The following SFSWAP variants were observed in gnomAD, a reference collection of about 807,000 sequenced individuals.
SFSWAP encodes the protein splicing factor SWAP, also known as splicing factor, suppressor of white-apricot homolog.
Under a neutral mutation model 100.7 loss-of-function variants are expected in SFSWAP, and 17 were observed. The ratio of observed to expected loss-of-function variants is 0.17; its 90% CI spans 0.12 to 0.25. The LOEUF (loss-of-function observed/expected upper bound fraction) is 0.25, where lower values mean the gene tolerates loss of function less well. SFSWAP is among the 10% of genes least tolerant of loss of function. The pLI, the probability that SFSWAP is intolerant of heterozygous loss-of-function variation, is 1.00. For synonymous variants in SFSWAP, 504 were observed against 510.1 expected, an observed-to-expected ratio of 0.99 and a Z score of 0.16; for missense variants, 1,005 against 1,262.6, an observed-to-expected ratio of 0.80 and a Z score of 3.09.
intron 7 of SFSWAP, among the ~76,000 whole-genome samples, chr12:131,732,261 C>T (rs1299080604): frequency 1.3e-5 from 2 of 152,168 alleles, no homozygotes; most frequent in African/African-American, 2.4e-5. Context: ...CATAGAATAA[C>T]TGTAACGTTT....
chr12:131,752,665 G>T (rs1293509098), intron 7 of SFSWAP, among the ~76,000 whole-genome samples: 2 of 152,240 alleles, frequency 1.3e-5, no homozygotes, highest in African/African-American at 2.4e-5. Context: ...GGAGGGAGCA[G>T]CGTGCCTGGG....
rs1378862854 is a variant in SFSWAP at position 131,787,556 on chromosome 12, CAG to C, written c.2534+972_2534+973del. Among the ~76,000 whole-genome samples, 3 of 152,220 alleles carry C rather than the reference CAG, an allele frequency of 2.0e-5. No homozygotes were observed. The East Asian group carries it at 5.8e-4, about 29-fold the overall frequency. On this transcript the variant is annotated intron_variant, in intron 15 of 17. Coordinates refer to ENST00000261674, the MANE Select transcript of SFSWAP (RefSeq NM_004592.4). ...GACCGTGTCTGCGTCTGGAGCTACA[CAG>C]AGAAGGATGGAGCATTGCACATCGT...
chr12:131,741,839 A>G (rs1880670730), intron 7 of SFSWAP, among the ~76,000 whole-genome samples: 1 of 152,088 alleles, frequency 6.6e-6, no homozygotes, highest in Non-Finnish European at 1.5e-5. Context: ...CTCGGGTCAC[A>G]TGCTCCTGTA....
chr12:131,753,028 AT>A (rs1308980378), intron 7 of SFSWAP, 94 bp from the exon 8 acceptor site: 1 of 1,534,064 alleles, frequency 6.5e-7, no homozygotes, highest in African/African-American at 1.4e-5. Context: ...GCAAGGCTGC[AT>A]CTTGCCGGGG....
At chr12:131,781,386 C>T (rs959817054) in intron 14 of SFSWAP, among the ~76,000 whole-genome samples, 3 of 151,538 alleles carry the variant, frequency 2.0e-5, no homozygotes, top group African/African-American at 7.3e-5. Context: ...TACAGGCGCC[C>T]GCCACCTCGC....
rs1283672064 is a variant in SFSWAP at position 131,754,515 on chromosome 12, TTA to T, written c.1454+20_1454+21del. On this transcript the variant is annotated intron_variant, in intron 9 of 17. Coordinates refer to ENST00000261674, the MANE Select transcript of SFSWAP (RefSeq NM_004592.4). ...ATGATCAAAGGTCAGAAGAAGAATT[TTA>T]TATGTTAGGTATATGGCATTTGGGG... 6.4e-7 allele frequency: 1 copy of T among 1,552,706 alleles called. No individual in the cohort carries two copies. Among genetic ancestry groups the T allele is most frequent in the African/African-American group, 1.4e-5 (1 of 72,508 alleles).
Position 131,711,629 on chromosome 12 carries a change from G to A in SFSWAP, c.218+182G>A, listed in dbSNP as rs1302081915. The A allele has an allele frequency of 1.7e-6, 1 of 598,556 alleles. No individual in the cohort carries two copies. The highest frequency in any genetic ancestry group is 3.0e-6 in the Non-Finnish European group (1 of 338,120). The allele number at this position is 598,556 out of a possible 1,614,324, so 37.1% of individuals were successfully genotyped here. A position where few individuals can be genotyped will look rare whatever the true frequency, so the allele number is the denominator to read the frequency against. ...GGTGGGGAGGGGGACGGTGAAACCT[G>A]CCCTAAGGCACTGGCTGGAATTGCG... On this transcript the variant is annotated intron_variant, in intron 1 of 17. Transcript: ENST00000261674. This position sits in a 1 kb window ranked among gnomAD's most constrained non-coding sequence, Gnocchi z 4.9.
Position 131,711,505 on chromosome 12 carries a change from T to G in SFSWAP, c.218+58T>G. The G allele has an allele frequency of 7.1e-7, 1 of 1,410,634 alleles. No homozygotes were observed. Among genetic ancestry groups the G allele is most frequent in the Non-Finnish European group, 1.0e-6 (1 of 1,004,556 alleles). 87.4% of individuals were successfully genotyped at this position (1,410,634 alleles called of 1,614,324 possible). On this transcript the variant is annotated intron_variant, in intron 1 of 17. Coordinates refer to ENST00000261674, the MANE Select transcript of SFSWAP (RefSeq NM_004592.4). This position sits in a 1 kb window ranked among gnomAD's most constrained non-coding sequence, Gnocchi z 4.9. ...CTTCCCTCACCCGCTTGATCTCGTC[T>G]GATGTTGACTTGACTGCAAGGACTG... is the stretch of plus-strand genomic sequence containing the variant.
rs1410123241 is a variant in SFSWAP, at chr12:131,786,445, G to A, written c.2409-18G>A. 2.5e-6 allele frequency: 4 copies of A among 1,581,528 alleles called. No homozygotes were observed. Among genetic ancestry groups the A allele is most frequent in the East Asian group, 4.6e-5 (2 of 43,644 alleles). On this transcript the variant is annotated intron_variant, in intron 14 of 17. Coordinates refer to ENST00000261674, the MANE Select transcript of SFSWAP (RefSeq NM_004592.4). ...CAGCCAGGCCACAGAGCTGAACACT[G>A]CCTCCTCCCCTGTCCAGGTCCCGCT...
intron 10 of SFSWAP, among the ~76,000 whole-genome samples, chr12:131,756,249 GTA>G (rs1159943973): frequency 6.6e-6 from 1 of 152,106 alleles, no homozygotes; most frequent in African/African-American, 2.4e-5. Flanking sequence ...GCTTCAAAGA[GTA>G]TAGTGTTTTT....
chr12:131,761,255 G>A (rs1272273611), intron 11 of SFSWAP, among the ~76,000 whole-genome samples: 1 of 152,122 alleles, frequency 6.6e-6, no homozygotes, highest in African/African-American at 2.4e-5. Context: ...TATTACTTTT[G>A]AAGTTAGAAG....
Position 131,764,666 on chromosome 12 carries a change from A to G in SFSWAP, c.1931A>G (p.Glu644Gly). 6.2e-7 allele frequency: 1 copy of G among 1,613,220 alleles called. No individual in the cohort carries two copies. The highest frequency in any genetic ancestry group is 8.5e-7 in the Non-Finnish European group (1 of 1,179,232). Residue 644 changes from glutamate (E) to glycine (G), a missense_variant, in exon 12 of 18, where the codon GAG (glutamate) becomes GGG (glycine). Transcript: ENST00000261674. ...GAGAAGAAGCCTCAACTTACCCAGG[A>G]GGAGCTAGAAGCAAAGCAAGGTTTG... is the stretch of plus-strand genomic sequence containing the variant. ...VEEKKPQLTQEELEAKQAKQK... is the reference protein window; with the variant it reads ...VEEKKPQLTQGELEAKQAKQK...
At chr12:131,749,933 G>A (rs372250622) in intron 7 of SFSWAP, among the ~76,000 whole-genome samples, 1 of 152,230 alleles carries the variant, frequency 6.6e-6, no homozygotes, top group Non-Finnish European at 1.5e-5. Flanking sequence ...GAGGCTTCCC[G>A]AAAGAGGTGG....
At chr12:131,746,961 G>T (rs929748969) in intron 7 of SFSWAP, among the ~76,000 whole-genome samples, 21 of 152,106 alleles carry the variant, frequency 1.4e-4, no homozygotes, top group Admixed American at 1.4e-3. Context: ...AAAATTAGCC[G>T]GGTGTGGTGG....
chr12:131,722,803 G>A (rs1878602066), intron 4 of SFSWAP, among the ~76,000 whole-genome samples: 1 of 152,080 alleles, frequency 6.6e-6, no homozygotes, highest in South Asian at 2.1e-4. Context: ...AAAAAAATTA[G>A]CCAGGCGTGG....
intron 14 of SFSWAP, chr12:131,783,517 C>T (rs993330456): frequency 2.6e-5 from 4 of 152,040 alleles, no homozygotes; most frequent in East Asian, 3.9e-4. Context: ...TCTGGCCGGG[C>T]GTGGTGGCCC....
In SFSWAP at chr12:131,753,311, C is replaced by G. The variant is rs1881839221; in HGVS notation, c.1270C>G (p.Pro424Ala). Residue 424 changes from proline (P) to alanine (A), a missense_variant, in exon 8 of 18, where the codon CCA (proline) becomes GCA (alanine). Physicochemically the swap from Pro to Ala is conservative, Grantham distance 27. Transcript: ENST00000261674. ...PPPGTTPLPP[P>A]TTAETSSGAT... ...TCCTGGGACCACACCACTACCGCCC[C>G]CAACCACAGCAGAGACTAGCAGCGG... 1 of 1,612,236 alleles carries G rather than the reference C, an allele frequency of 6.2e-7. No homozygotes were observed. The highest frequency in any genetic ancestry group is 1.3e-5 in the African/African-American group (1 of 74,878).
At chr12:131,784,872 T>C (rs1884776862) in intron 14 of SFSWAP, 1 of 436,908 alleles carries the variant, frequency 2.3e-6, no homozygotes, top group Non-Finnish European at 4.0e-6. Context: ...GACAAAATGG[T>C]ATTGTATTTC....
intron 14 of SFSWAP, chr12:131,785,370 C>G (rs1884819427): frequency 3.0e-6 from 2 of 664,788 alleles, no homozygotes; most frequent in Admixed American, 6.2e-5. Flanking sequence ...CCGAGCTGAT[C>G]TGCAGAAGCA....
Sources: allele counts gnomAD v4.1 joint callset (sites outside exome capture counted in the v4.1 genomes callset), GRCh38; gene constraint gnomAD v4.1.1; non-coding constraint Gnocchi (gnomAD v3.1); transcripts MANE v1.5; gene names NCBI Gene and HGNC (gene_info 2026-07-23, HGNC 2026-07-21).